Variants in SCFD2 observed in about 807,000 individuals in gnomAD.
The protein encoded by SCFD2 is sec1 family domain containing 2.
A neutral mutation model predicts 58.9 loss-of-function variants in SCFD2; 54 were observed. The ratio of observed to expected loss-of-function variants is 0.92; its 90% CI spans 0.74 to 1.15. The LOEUF is 1.15. SCFD2 is among the 50% of genes most tolerant of loss of function. SCFD2 has a pLI of 0.00. For missense variants in SCFD2, 805 were observed against 836.6 expected (o/e 0.96, Z 0.47); for synonymous variants, 321 against 335.9 (o/e 0.96, Z 0.49).
At chr4:53,298,705 G>A (rs1732147110) in intron 3 of SCFD2, among the ~76,000 whole-genome samples, 1 of 152,154 alleles carries the variant, frequency 6.6e-6, no homozygotes, top group Non-Finnish European at 1.5e-5. Context: ...CAGTAGCGGT[G>A]AACTGACACC....
rs192187829 is a variant in SCFD2 at position 53,172,182 on chromosome 4, T to A, written c.1312-26600A>T. ...CCACCACACCCAGCTAATTTTTGTA[T>A]TTTTAGTAGACAGGTTTTCACCTTG... On this transcript the variant is annotated intron_variant, in intron 4 of 8. Transcript: ENST00000401642. 8.8e-4 allele frequency among the ~76,000 whole-genome samples: 134 copies of A among 151,952 alleles called. 1 individual carries two copies. The highest frequency in any genetic ancestry group is 6.8e-3 in the Middle Eastern group (2 of 294).
At chr4:53,263,370 A>AG (rs1368639585) in intron 4 of SCFD2, among the ~76,000 whole-genome samples, 10 of 152,160 alleles carry the variant, frequency 6.6e-5, no homozygotes, top group Non-Finnish European at 1.5e-4. Context: ...CTTCTCATTT[A>AG]GGTAAACTAT....
intron 2 of SCFD2, among the ~76,000 whole-genome samples, chr4:53,316,669 A>G (rs752387346): frequency 6.6e-6 from 1 of 152,156 alleles, no homozygotes; most frequent in Non-Finnish European, 1.5e-5. Context: ...TACAATCTTG[A>G]TTAGTGCAGA....
At chr4:52,960,213 A>T (rs972757418) in intron 5 of SCFD2, among the ~76,000 whole-genome samples, 4 of 152,068 alleles carry the variant, frequency 2.6e-5, no homozygotes, top group African/African-American at 9.7e-5. Flanking sequence ...TTATAATTTC[A>T]TGATTTTACT....
chr4:52,948,686 A>T (rs1157940717), intron 5 of SCFD2: 3 of 366,604 alleles, frequency 8.2e-6, no homozygotes, highest in Non-Finnish European at 1.7e-5. Context: ...ACTCTGGAGG[A>T]TGCAGCCATC....
chr4:53,237,584 G>A (rs866389339), intron 4 of SCFD2, among the ~76,000 whole-genome samples: 24 of 100,832 alleles, frequency 2.4e-4, no homozygotes, highest in African/African-American at 8.9e-4. Context: ...CTTCCCAGTA[G>A]GGGCGGCCGG....
At chr4:53,050,676 A>G (rs1333601978) in intron 5 of SCFD2, among the ~76,000 whole-genome samples, 1 of 152,180 alleles carries the variant, frequency 6.6e-6, no homozygotes, top group Non-Finnish European at 1.5e-5. Flanking sequence ...GTTTTATAAA[A>G]CACAGATATG....
intron 4 of SCFD2, among the ~76,000 whole-genome samples, chr4:53,211,446 C>A (rs1728611124): frequency 2.0e-5 from 3 of 152,214 alleles, no homozygotes; most frequent in South Asian, 4.1e-4. Flanking sequence ...TTCTTGAGTT[C>A]TGTGAGACAC....
intron 5 of SCFD2, among the ~76,000 whole-genome samples, chr4:52,939,548 ATG>A (rs1282683555): frequency 6.6e-6 from 1 of 152,180 alleles, no homozygotes; most frequent in Non-Finnish European, 1.5e-5. Context: ...GATGCTTACT[ATG>A]TGTCAGGCAT....
chr4:53,006,146 A>C (rs115475520), intron 5 of SCFD2, among the ~76,000 whole-genome samples: 9 of 152,072 alleles, frequency 5.9e-5, no homozygotes, highest in Admixed American at 6.5e-5. Context: ...GTCATTCCTC[A>C]TCACTCCTGT....
intron 5 of SCFD2, among the ~76,000 whole-genome samples, chr4:53,081,922 T>C (rs565207862): frequency 3.3e-5 from 5 of 152,310 alleles, no homozygotes; most frequent in South Asian, 2.1e-4. Flanking sequence ...GATTTGACTA[T>C]TCTGGACATT....
intron 5 of SCFD2, among the ~76,000 whole-genome samples, chr4:52,975,288 A>G (rs1721222319): frequency 6.6e-6 from 1 of 152,240 alleles, no homozygotes; most frequent in African/African-American, 2.4e-5. Flanking sequence ...ATGGGCTAAT[A>G]TCCAGAATCT....
At chr4:53,200,510 C>T (rs1026938018) in intron 4 of SCFD2, among the ~76,000 whole-genome samples, 1 of 152,060 alleles carries the variant, frequency 6.6e-6, no homozygotes, top group Non-Finnish European at 1.5e-5. Flanking sequence ...AATATAAGCA[C>T]TGTCTCTACA....
intron 5 of SCFD2, among the ~76,000 whole-genome samples, chr4:53,132,681 A>G (rs1310051646): frequency 6.6e-6 from 1 of 152,208 alleles, no homozygotes; most frequent in Non-Finnish European, 1.5e-5. Flanking sequence ...ATTGTTTTGT[A>G]CACTTTCACT....
chr4:53,209,624 C>A (rs898549816), intron 4 of SCFD2, among the ~76,000 whole-genome samples: 3 of 151,980 alleles, frequency 2.0e-5, no homozygotes, highest in African/African-American at 7.3e-5. Context: ...CAGGGAATAC[C>A]AACTATTGCT....
intron 5 of SCFD2, among the ~76,000 whole-genome samples, chr4:52,977,580 G>A (rs1721283939): frequency 6.6e-6 from 1 of 152,038 alleles, no homozygotes; most frequent in African/African-American, 2.4e-5. Flanking sequence ...TAAAAAAGAG[G>A]GTATTACGTT....
intron 4 of SCFD2, among the ~76,000 whole-genome samples, chr4:53,252,540 T>C (rs1400627003): frequency 6.7e-6 from 1 of 149,834 alleles, no homozygotes; most frequent in South Asian, 2.1e-4. Flanking sequence ...AACAGAGATA[T>C]AGATCAATGG....
chr4:52,964,534 T>G (rs1479056781), intron 5 of SCFD2, among the ~76,000 whole-genome samples: 1 of 152,232 alleles, frequency 6.6e-6, no homozygotes, highest in Non-Finnish European at 1.5e-5. Context: ...TCCAGGAACA[T>G]TCTAGGAGTT....
rs74931823 is a variant in SCFD2, at chr4:52,873,770, C to CTT, written c.*197_*198dup. ...TGTCGCCTTCAGGAAAATAAAAAAACTTTTTTTTTTTTTTTTTAAGAATCA... is the reference window on the plus strand; with the variant it reads ...TGTCGCCTTCAGGAAAATAAAAAAACTTTTTTTTTTTTTTTTTTTAAGAATCA... On this transcript the variant is annotated 3_prime_UTR_variant, in exon 9 of 9. Coordinates refer to ENST00000401642, the MANE Select transcript of SCFD2 (RefSeq NM_152540.4). 568 of 331,308 alleles carry CTT rather than the reference C, an allele frequency of 1.7e-3. No homozygotes were observed. Among genetic ancestry groups the CTT allele is most frequent in the Middle Eastern group, 2.5e-3 (3 of 1,218 alleles). The allele number at this position is 331,308 out of a possible 1,614,324, so 20.5% of individuals were successfully genotyped here. A position where few individuals can be genotyped will look rare whatever the true frequency, so the allele number is the denominator to read the frequency against.
Sources: gnomAD v4.1 joint callset for allele counts (sites outside exome capture counted in the v4.1 genomes callset) on GRCh38, gnomAD v4.1.1 for gene constraint, MANE v1.5 for transcripts, NCBI Gene and HGNC (gene_info 2026-07-23, HGNC 2026-07-21) for gene names.